FLT1: variants seen among roughly 807,000 people sequenced by gnomAD.
The protein encoded by FLT1 is vascular endothelial growth factor receptor 1.
FLT1 carries 49 observed loss-of-function variants against 156.3 expected under a neutral mutation model. That is an observed-to-expected ratio of 0.31 (90% CI 0.25 to 0.40). The LOEUF (loss-of-function observed/expected upper bound fraction) is 0.40. Among genes scored for constraint, FLT1 ranks in the 10% least tolerant of loss-of-function variants. FLT1 has a pLI of 1.00. For missense variants in FLT1, 1,322 were observed against 1,637.2 expected, an observed-to-expected ratio of 0.81 and a Z score of 3.32; for synonymous variants, 594 against 583.8, an observed-to-expected ratio of 1.02 and a Z score of -0.25.
intron 14 of FLT1, among the ~76,000 whole-genome samples, chr13:28,370,213 T>C (rs1451874483): frequency 1.3e-5 from 2 of 151,936 alleles, no homozygotes; most frequent in Non-Finnish European, 2.9e-5. Context: ...CTGTATAATA[T>C]TCTTCTCACT....
At chr13:28,451,220 C>T (rs553102072) in intron 3 of FLT1, among the ~76,000 whole-genome samples, 122 of 152,170 alleles carry the variant, frequency 8.0e-4, no homozygotes, top group African/African-American at 2.8e-3. Context: ...CTCAGGAGTT[C>T]GAGACCAGCC....
At chr13:28,361,237 C>T (rs1174429711) in intron 14 of FLT1, among the ~76,000 whole-genome samples, 1 of 151,932 alleles carries the variant, frequency 6.6e-6, no homozygotes, top group Non-Finnish European at 1.5e-5. Flanking sequence ...CAAGATGGTG[C>T]CCCTGCACTC....
chr13:28,310,775 A>C lies in FLT1; in HGVS notation c.3635+815T>G, dbSNP rs1870972252. Among the ~76,000 whole-genome samples, 2 of 152,240 alleles carry C rather than the reference A, an allele frequency of 1.3e-5. 1 individual carries two copies. The highest frequency in any genetic ancestry group is 4.1e-4 in the South Asian group (2 of 4,832). On this transcript the variant is annotated intron_variant, in intron 27 of 29. Coordinates refer to ENST00000282397, the MANE Select transcript of FLT1 (RefSeq NM_002019.4). The stretch of plus-strand genomic sequence containing the variant: ...TTTGTTTAGTTTTATCTAAGGTTTC[A>C]CCAAAAAATTCAATGTAATGGGGAA...
intron 16 of FLT1, among the ~76,000 whole-genome samples, chr13:28,343,130 G>A (rs1428439393): frequency 6.6e-6 from 1 of 152,004 alleles, no homozygotes; most frequent in African/African-American, 2.4e-5. Context: ...CTACAGGCAA[G>A]TGCCATCACA....
intron 14 of FLT1, among the ~76,000 whole-genome samples, chr13:28,371,445 C>T (rs1036832102): frequency 6.6e-6 from 1 of 152,120 alleles, no homozygotes; most frequent in African/African-American, 2.4e-5. Context: ...TTCCCTTTGT[C>T]CCGCACGCAT....
intron 4 of FLT1, among the ~76,000 whole-genome samples, chr13:28,434,990 C>T (rs748662141): frequency 6.6e-6 from 1 of 152,142 alleles, no homozygotes; most frequent in African/African-American, 2.4e-5. Context: ...GTTTTTCCTC[C>T]CATTTTGCAT....
chr13:28,443,405 A>G (rs1452081345), intron 3 of FLT1, among the ~76,000 whole-genome samples: 2 of 152,234 alleles, frequency 1.3e-5, no homozygotes, highest in African/African-American at 4.8e-5. Context: ...TCCATTTCCA[A>G]CTGGCATCAC....
At chr13:28,429,784 G>A (rs1877563132) in intron 8 of FLT1, among the ~76,000 whole-genome samples, 1 of 152,202 alleles carries the variant, frequency 6.6e-6, no homozygotes, top group Non-Finnish European at 1.5e-5. Context: ...GGAAGGTTTA[G>A]AGATGCAGAA....
rs764087668 is a variant in FLT1 at position 28,311,626 on chromosome 13, G to A, written c.3599C>T (p.Ala1200Val). The A allele has an allele frequency of 2.9e-5, 47 of 1,613,588 alleles. No homozygotes were observed. Among genetic ancestry groups the A allele is most frequent in the Non-Finnish European group, 4.0e-5 (47 of 1,179,800 alleles). The change falls in exon 27 of 30, where the codon GCT becomes GTT. Residue 1200 changes from alanine (A) to valine (V), a missense_variant. Around this residue, in one of 3 missense-constraint regions of FLT1, gnomAD observed 329 missense variants for 366.2 expected, o/e 0.90. Transcript: ENST00000282397. ...SEDFFKESISAPKFNSGSSDD... is the reference protein window; with the variant it reads ...SEDFFKESISVPKFNSGSSDD... ...AGAGCTTCCTGAATTAAACTTCGGA[G>A]CTGAAATACTTTCCTTGAAGAAGTC...
Position 28,312,256 on chromosome 13 carries a change from C to T in FLT1, c.3387-158G>A, listed in dbSNP as rs113477497. On this transcript the variant is annotated intron_variant, in intron 25 of 29. Coordinates refer to ENST00000282397, the MANE Select transcript of FLT1 (RefSeq NM_002019.4). ...ATTTTTAGGTTTGGGTTTATAGCAC[C>T]AGCACTTAAAAGGCTGTCTGGGCCA... Among the ~76,000 whole-genome samples, 693 of 152,266 alleles carry T rather than the reference C, an allele frequency of 4.6e-3. 5 individuals are homozygous for T. The highest frequency in any genetic ancestry group is 0.016 in the African/African-American group (657 of 41,542).
intron 1 of FLT1, among the ~76,000 whole-genome samples, chr13:28,473,671 A>AAGAGAGAG (rs1227557664): frequency 5.1e-5 from 6 of 118,276 alleles, no homozygotes; most frequent in East Asian, 2.3e-4. Flanking sequence ...GAAAGAAAGA[A>AAGAGAGAG]AGAGAGAGAG....
intron 10 of FLT1, among the ~76,000 whole-genome samples, chr13:28,418,441 C>A (rs577542982): frequency 3.9e-5 from 6 of 152,210 alleles, no homozygotes; most frequent in Non-Finnish European, 4.4e-5. Flanking sequence ...GTTAGGCAGG[C>A]GCCCTCCCAA....
rs186273107 is a variant in FLT1 at position 28,439,890 on chromosome 13, T to C, written c.389-1545A>G. Among the ~76,000 whole-genome samples the C allele has an allele frequency of 6.6e-6, 1 of 152,260 alleles. No individual in the cohort carries two copies. The highest frequency in any genetic ancestry group is 1.9e-4 in the East Asian group (1 of 5,182). Reference sequence around the variant, plus strand: ...AGAACTGTGAGATAATACATTTCTGTAGTTTTAAGCCAAAAAAGAAAAAAA... The same window carrying C: ...AGAACTGTGAGATAATACATTTCTGCAGTTTTAAGCCAAAAAAGAAAAAAA... On this transcript the variant is annotated intron_variant, in intron 3 of 29. Transcript: ENST00000282397. The surrounding 1 kb of genome is among the most constrained non-coding windows in gnomAD (Gnocchi z 4.1).
chr13:28,449,748 CTT>C (rs1878823438), intron 3 of FLT1, among the ~76,000 whole-genome samples: 1 of 152,236 alleles, frequency 6.6e-6, no homozygotes, highest in African/African-American at 2.4e-5. Context: ...AGAAGTGCCT[CTT>C]TCTAAAAAAG....
intron 19 of FLT1, among the ~76,000 whole-genome samples, chr13:28,328,083 C>A (rs1174552025): frequency 6.6e-6 from 1 of 152,194 alleles, no homozygotes; most frequent in South Asian, 2.1e-4. Flanking sequence ...AGCTAGTAAG[C>A]ATTTTAGGCT....
chr13:28,355,299 C>A (rs898672057), intron 15 of FLT1, among the ~76,000 whole-genome samples: 1 of 152,164 alleles, frequency 6.6e-6, no homozygotes, highest in African/African-American at 2.4e-5. Context: ...TAGATTCTTA[C>A]AAGGTTAATA....
intron 7 of FLT1, 50 bp downstream of exon 7, chr13:28,431,086 A>G (rs760681298): frequency 2.0e-6 from 3 of 1,467,556 alleles, no homozygotes; most frequent in Non-Finnish European, 2.9e-6. Context: ...ACAGACATCT[A>G]CAATGATTAG....
At chr13:28,356,658 A>G (rs1342510465) in intron 15 of FLT1, among the ~76,000 whole-genome samples, 1 of 152,152 alleles carries the variant, frequency 6.6e-6, no homozygotes, top group Admixed American at 6.5e-5. Context: ...TTCAGGGGGA[A>G]AAAAACTGAA....
rs1316712663 is a variant in FLT1 at position 28,405,686 on chromosome 13, T to C, written c.1551+94A>G. On this transcript the variant is annotated intron_variant, in intron 11 of 29. Transcript: ENST00000282397. ...TTCTCTCTGAATTTTTGTTTGAACA[T>C]TTAAATTACTTCTGGTGCCAATAAA... 11 of 798,030 alleles carry C rather than the reference T, an allele frequency of 1.4e-5. No individual in the cohort carries two copies. In the East Asian group the frequency reaches 2.2e-4, roughly 16 times the overall value. 49.4% of individuals were successfully genotyped at this position (798,030 alleles called of 1,614,324 possible). A position where few individuals can be genotyped will look rare whatever the true frequency, so the allele number is the denominator to read the frequency against.
Sources: gnomAD v4.1 joint callset for allele counts (sites outside exome capture counted in the v4.1 genomes callset) on GRCh38, gnomAD v4.1.1 for gene constraint, gnomAD v4.1.1 regional missense constraint, Gnocchi (gnomAD v3.1) non-coding constraint, MANE v1.5 for transcripts, NCBI Gene and HGNC (gene_info 2026-07-23, HGNC 2026-07-21) for gene names.